ZMIZ1: variants seen among roughly 807,000 people sequenced by gnomAD.
The protein encoded by ZMIZ1 is zinc finger MIZ-type containing 1, also known as zinc finger MIZ domain-containing protein 1.
In ZMIZ1, 17 loss-of-function variants were observed where a neutral mutation model predicts 113.9. That is an observed-to-expected ratio of 0.15 (90% CI 0.10 to 0.22). The LOEUF (loss-of-function observed/expected upper bound fraction) is 0.22. ZMIZ1 is among the 10% of genes least tolerant of loss of function. The pLI, the probability that ZMIZ1 is intolerant of heterozygous loss-of-function variation, is 1.00. For missense variants in ZMIZ1, 1,059 were observed against 1,477.8 expected (o/e 0.72, Z 4.65); for synonymous variants, 607 against 603.1 (o/e 1.01, Z -0.09).
intron 21 of ZMIZ1, 45 bp from the exon 22 acceptor site, chr10:79,306,055 G>T: frequency 6.3e-7 from 1 of 1,589,420 alleles, no homozygotes. Flanking sequence ...TATGCCCAAA[G>T]CCAGGCACCC....
In ZMIZ1 at chr10:79,129,627, A is replaced by G. The variant is rs574425716; in HGVS notation, c.-226-10055A>G. Among the ~76,000 whole-genome samples the G allele has an allele frequency of 2.9e-4, 44 of 152,236 alleles. No individual in the cohort carries two copies. The East Asian group carries it at 8.1e-3, about 28-fold the overall frequency. ...GGTGGGCTCTTTGCTCAAGGCTGTG[A>G]CTGCAGTTGTCTGGTGGACTCTGAG... is the stretch of plus-strand genomic sequence containing the variant. On this transcript the variant is annotated intron_variant, in intron 2 of 24. Transcript: ENST00000334512.
At chr10:79,295,111 C>CA (rs1214259643) in intron 12 of ZMIZ1, 2 of 152,200 alleles carry the variant, frequency 1.3e-5, no homozygotes, top group Non-Finnish European at 2.9e-5. Context: ...ACTCAGGCCC[C>CA]ATGCAGTTTC....
chr10:79,126,253 G>C (rs972456614), intron 2 of ZMIZ1, among the ~76,000 whole-genome samples: 2 of 152,168 alleles, frequency 1.3e-5, no homozygotes, highest in African/African-American at 4.8e-5. Context: ...GCTTATAAGG[G>C]GCAAGGGAGT....
At chr10:79,274,246 G>A (rs551894843) in intron 7 of ZMIZ1, among the ~76,000 whole-genome samples, 10 of 152,304 alleles carry the variant, frequency 6.6e-5, no homozygotes, top group East Asian at 1.9e-4. Flanking sequence ...AGGTCCTCCC[G>A]TCTCTCCCAC....
At chr10:79,277,112 T>TG (rs141066948) in intron 7 of ZMIZ1, 69 bp from the exon 8 acceptor site, 52,011 of 1,369,276 alleles carry the variant, frequency 0.038, 260 homozygotes, top group Middle Eastern at 0.049. Context: ...TGGGGAGAGT[T>TG]GGGGGGGGGT....
chr10:79,128,964 A>G (rs1335903477), intron 2 of ZMIZ1, among the ~76,000 whole-genome samples: 2 of 152,238 alleles, frequency 1.3e-5, no homozygotes, highest in Non-Finnish European at 2.9e-5. Context: ...TGTAAGGATT[A>G]GATTAGCAAC....
chr10:79,168,102 C>T (rs1288967242), intron 4 of ZMIZ1, among the ~76,000 whole-genome samples: 1 of 152,246 alleles, frequency 6.6e-6, no homozygotes, highest in Non-Finnish European at 1.5e-5. Flanking sequence ...GCCAATTTTC[C>T]TCTTTGTTAC....
chr10:79,141,628 G>A (rs761283533), intron 3 of ZMIZ1, among the ~76,000 whole-genome samples: 123 of 152,194 alleles, frequency 8.1e-4, no homozygotes, highest in Non-Finnish European at 1.1e-3. Flanking sequence ...GGCTGGTCTC[G>A]AACTCCTGGA....
chr10:79,271,461 A>G (rs1009295782), intron 7 of ZMIZ1, among the ~76,000 whole-genome samples: 3 of 152,210 alleles, frequency 2.0e-5, no homozygotes, highest in Non-Finnish European at 4.4e-5. Context: ...ACAGTAACAG[A>G]CAACTGGGAT....
intron 2 of ZMIZ1, among the ~76,000 whole-genome samples, chr10:79,121,261 C>G (rs975156624): frequency 2.6e-5 from 4 of 152,188 alleles, no homozygotes; most frequent in Non-Finnish European, 5.9e-5. Context: ...GCAGGCCACT[C>G]AGCCAGGAAG....
At chr10:79,254,283 A>G (rs768616369) in intron 7 of ZMIZ1, among the ~76,000 whole-genome samples, 6 of 152,342 alleles carry the variant, frequency 3.9e-5, no homozygotes, top group Non-Finnish European at 8.8e-5. Flanking sequence ...CAGAACCCCA[A>G]GTGGACCTGC....
intron 19 of ZMIZ1, 56 bp downstream of exon 19, chr10:79,304,231 G>A (rs1854531726): frequency 6.3e-7 from 1 of 1,580,176 alleles, no homozygotes; most frequent in Non-Finnish European, 8.6e-7. Context: ...TGGCTGGGAT[G>A]GTGAGGGGTA....
chr10:79,235,570 T>C (rs1849556350), intron 7 of ZMIZ1, among the ~76,000 whole-genome samples: 1 of 152,206 alleles, frequency 6.6e-6, no homozygotes, highest in African/African-American at 2.4e-5. Flanking sequence ...CTGGCAGCCC[T>C]GACTGTCAGA....
intron 4 of ZMIZ1, among the ~76,000 whole-genome samples, chr10:79,189,892 G>C (rs138317174): frequency 6.6e-6 from 1 of 152,334 alleles, no homozygotes; most frequent in East Asian, 1.9e-4. Context: ...CTCTTGGGCC[G>C]AGGTGGCTCA....
intron 8 of ZMIZ1, among the ~76,000 whole-genome samples, chr10:79,285,000 A>AC (rs1396405703): frequency 6.6e-6 from 1 of 151,234 alleles, no homozygotes; most frequent in African/African-American, 2.4e-5. Context: ...TTCCCCAAGA[A>AC]CCCCCAGGAA....
In ZMIZ1 at chr10:79,180,536, C is replaced by T. The variant is rs183834993; in HGVS notation, c.-50+18403C>T. Among the ~76,000 whole-genome samples, 324 of 152,326 alleles carry T rather than the reference C, an allele frequency of 2.1e-3. 2 individuals carry two copies. The highest frequency in any genetic ancestry group is 7.3e-3 in the African/African-American group (305 of 41,584). On this transcript the variant is annotated intron_variant, in intron 4 of 24. Coordinates refer to ENST00000334512, the MANE Select transcript of ZMIZ1 (RefSeq NM_020338.4). ...TCTGAGGGCGACATCCCCCAGTAGG[C>T]CCTGCCGCCCCTTTGCACAGTCTGG...
At chr10:79,190,724 C>G (rs766310321) in intron 4 of ZMIZ1, among the ~76,000 whole-genome samples, 6 of 152,164 alleles carry the variant, frequency 3.9e-5, no homozygotes, top group Non-Finnish European at 7.3e-5. Flanking sequence ...ACTTTCTCAT[C>G]CACAAACTGA....
At chr10:79,285,396 C>T in intron 8 of ZMIZ1, 1 of 450,952 alleles carries the variant, frequency 2.2e-6, no homozygotes. Context: ...TAGGCACTTA[C>T]ACTTAACCCT....
At chr10:79,286,412 G>A (rs542556565) in intron 8 of ZMIZ1, among the ~76,000 whole-genome samples, 25 of 152,362 alleles carry the variant, frequency 1.6e-4, no homozygotes, top group Non-Finnish European at 2.8e-4. Context: ...GCAGGAGCCC[G>A]TCTCCCCCAG....
Sources: gnomAD v4.1 joint callset for allele counts (sites outside exome capture counted in the v4.1 genomes callset) on GRCh38, gnomAD v4.1.1 for gene constraint, MANE v1.5 for transcripts, NCBI Gene and HGNC (gene_info 2026-07-23, HGNC 2026-07-21) for gene names.